Variants in CNGA3 observed in about 807,000 individuals in gnomAD.
The protein encoded by CNGA3 is cyclic nucleotide-gated channel alpha-3.
CNGA3 carries 42 observed loss-of-function variants against 46.6 expected under a neutral mutation model. The ratio of observed to expected loss-of-function variants is 0.90; its 90% confidence interval spans 0.70 to 1.17. The LOEUF (loss-of-function observed/expected upper bound fraction) is 1.17. CNGA3 is among the 50% of genes most tolerant of loss of function. The pLI is 0.00. For missense variants in CNGA3, 893 were observed against 890.7 expected, an observed-to-expected ratio of 1.00 and a Z score of -0.03; for synonymous variants, 394 against 369.4, an observed-to-expected ratio of 1.07 and a Z score of -0.76.
rs1692799732 is a variant in CNGA3 at position 98,391,926 on chromosome 2, C to T, written c.629C>T (p.Ala210Val). 1 of 1,614,140 alleles carries T rather than the reference C, an allele frequency of 6.2e-7. No homozygotes were observed. The highest frequency in any genetic ancestry group is 8.5e-7 in the Non-Finnish European group (1 of 1,180,012). The change falls in exon 7 of 8, where the codon GCA (alanine) becomes GTA (valine). Residue 210 changes from alanine to valine, a missense_variant. Transcript: ENST00000272602. ...CTGTGGCTGGTCCTGGACTACTCGG[C>T]AGATGTCCTGTATGTCTTGGATGTG... ...LMLWLVLDYSADVLYVLDVLV... is the reference protein window; with the variant it reads ...LMLWLVLDYSVDVLYVLDVLV...
intron 2 of CNGA3, among the ~76,000 whole-genome samples, chr2:98,373,126 GC>G (rs1321702181): frequency 6.6e-6 from 1 of 152,168 alleles, no homozygotes; most frequent in African/African-American, 2.4e-5. Flanking sequence ...GGGTACAGCA[GC>G]CTCAGGGATG....
chr2:98,385,811 G>A (rs1171928667), intron 5 of CNGA3, among the ~76,000 whole-genome samples: 1 of 152,138 alleles, frequency 6.6e-6, no homozygotes, highest in Non-Finnish European at 1.5e-5. Context: ...TTTCAATCAT[G>A]GTGGAAGGCA....
At chr2:98,367,523 G>A (rs561300760) in intron 1 of CNGA3, among the ~76,000 whole-genome samples, 4 of 152,054 alleles carry the variant, frequency 2.6e-5, no homozygotes, top group Admixed American at 2.0e-4. Flanking sequence ...CAGCCATCTT[G>A]GTCCCTCCCC....
At chr2:98,378,317 G>T (rs1003342893) in intron 3 of CNGA3, 9 of 1,211,376 alleles carry the variant, frequency 7.4e-6, no homozygotes, top group Non-Finnish European at 1.0e-5. Context: ...TTCAACAGCT[G>T]CTCCATCCTG....
Position 98,391,830 on chromosome 2 carries a change from G to A in CNGA3, c.567-34G>A, listed in dbSNP as rs369896847. On this transcript the variant is annotated intron_variant, in intron 6 of 7. Coordinates refer to ENST00000272602, the MANE Select transcript of CNGA3 (RefSeq NM_001298.3). ...GGTGGTCCACGCTCCAGAAACACAC[G>A]CACAGCCATCCATCTCCCACATGGC... 35 of 1,601,606 alleles carry A rather than the reference G, an allele frequency of 2.2e-5. 1 individual carries two copies. The highest frequency in any genetic ancestry group is 7.7e-5 in the South Asian group (7 of 90,832).
intron 7 of CNGA3, among the ~76,000 whole-genome samples, chr2:98,393,294 A>G (rs572545773): frequency 1.3e-5 from 2 of 152,340 alleles, no homozygotes; most frequent in East Asian, 3.9e-4. Context: ...AGCAGATCAC[A>G]GTAGCCGACC....
At chr2:98,389,878 C>A in intron 6 of CNGA3, 104 bp downstream of exon 6, 1 of 801,956 alleles carries the variant, frequency 1.2e-6, no homozygotes, top group South Asian at 1.6e-5. Context: ...GGCCTGGACC[C>A]CTCACGGCCA....
intron 3 of CNGA3, chr2:98,378,347 T>C: frequency 1.0e-6 from 1 of 995,476 alleles, no homozygotes; most frequent in African/African-American, 1.6e-5. Context: ...TTTCACCTTT[T>C]CAAATCTCAT....
chr2:98,373,888 C>T (rs981358863), intron 2 of CNGA3, among the ~76,000 whole-genome samples: 2 of 152,172 alleles, frequency 1.3e-5, no homozygotes, highest in Non-Finnish European at 2.9e-5. Context: ...TTGTGTTACT[C>T]CCTGAGCAGA....
chr2:98,359,946 C>T (rs1441537741), intron 1 of CNGA3, among the ~76,000 whole-genome samples: 1 of 152,196 alleles, frequency 6.6e-6, no homozygotes, highest in African/African-American at 2.4e-5. Flanking sequence ...GCAGGGTTCC[C>T]GGTGGGCATG....
chr2:98,367,834 C>A (rs1320972789), intron 1 of CNGA3, among the ~76,000 whole-genome samples: 1 of 152,162 alleles, frequency 6.6e-6, no homozygotes, highest in Non-Finnish European at 1.5e-5. Context: ...TTTTTAGCTG[C>A]TCACCTCACA....
intron 1 of CNGA3, among the ~76,000 whole-genome samples, chr2:98,363,051 A>G (rs62156307): frequency 0.19 from 29,194 of 152,138 alleles, 3,203 homozygotes; most frequent in Non-Finnish European, 0.26. Context: ...TTTGGTTACT[A>G]TAGTCTTATA....
At chr2:98,377,441 C>G in intron 2 of CNGA3, 1 of 489,950 alleles carries the variant, frequency 2.0e-6, no homozygotes, top group Non-Finnish European at 3.7e-6. Flanking sequence ...GTACTGCCAC[C>G]TTCCCGTCCT....
At chr2:98,386,944 G>T (rs1692668661) in intron 5 of CNGA3, among the ~76,000 whole-genome samples, 1 of 152,208 alleles carries the variant, frequency 6.6e-6, no homozygotes, top group Admixed American at 6.5e-5. Context: ...TGGCAGCCCT[G>T]TCAACACCTT....
chr2:98,377,992 A>T (rs1336282900), intron 3 of CNGA3, 192 bp downstream of exon 3: 14 of 1,502,042 alleles, frequency 9.3e-6, no homozygotes, highest in African/African-American at 1.4e-5. Context: ...AGCTCAGAAA[A>T]GTCTAAGGAA....
intron 1 of CNGA3, among the ~76,000 whole-genome samples, chr2:98,356,909 A>C (rs1691894134): frequency 6.6e-6 from 1 of 152,200 alleles, no homozygotes; most frequent in African/African-American, 2.4e-5. Flanking sequence ...GTGGAATGGA[A>C]ATTTTCAGTG....
At chr2:98,356,440 ACT>A (rs1691881202) in intron 1 of CNGA3, among the ~76,000 whole-genome samples, 1 of 151,718 alleles carries the variant, frequency 6.6e-6, no homozygotes, top group East Asian at 1.9e-4. Flanking sequence ...GTCCATCAAG[ACT>A]CTGTACTCTG....
In CNGA3 at chr2:98,361,678, C is replaced by A. The variant is rs1692035838; in HGVS notation, c.-37-8261C>A. 2.0e-5 allele frequency among the ~76,000 whole-genome samples: 3 copies of A among 151,762 alleles called. 1 individual carries two copies. In the South Asian group the frequency reaches 6.3e-4, roughly 32 times the overall value. On this transcript the variant is annotated intron_variant, in intron 1 of 7. Coordinates refer to ENST00000272602, the MANE Select transcript of CNGA3 (RefSeq NM_001298.3). ...AAAAGCGTTCCTGTTTCTCCACAGC[C>A]CCACAAGCAACTGTCCTTTTCTTGA...
intron 1 of CNGA3, among the ~76,000 whole-genome samples, chr2:98,364,252 C>T (rs556260726): frequency 2.2e-4 from 33 of 152,134 alleles, no homozygotes; most frequent in Admixed American, 1.3e-3. Flanking sequence ...GTGGCATGGG[C>T]GTGTTATCCC....
Sources: gnomAD v4.1 joint callset for allele counts (sites outside exome capture counted in the v4.1 genomes callset) on GRCh38, gnomAD v4.1.1 for gene constraint, MANE v1.5 for transcripts, NCBI Gene and HGNC (gene_info 2026-07-23, HGNC 2026-07-21) for gene names.